Variants in DIAPH2 observed in about 807,000 individuals in gnomAD.
The protein encoded by DIAPH2 is protein diaphanous homolog 2.
A neutral mutation model predicts 92.7 loss-of-function variants in DIAPH2; 35 were observed. That is an observed-to-expected ratio of 0.38 (90% CI 0.29 to 0.50). The LOEUF (loss-of-function observed/expected upper bound fraction) is 0.50. DIAPH2 is among the 20% of genes least tolerant of loss of function. DIAPH2 has a pLI of 0.94. For missense variants in DIAPH2, 701 were observed against 819.5 expected (o/e 0.86, Z 1.77); for synonymous variants, 301 against 280.4 (o/e 1.07, Z -0.73).
chrX:96,756,953 T>G (rs1279997009), intron 3 of DIAPH2, among the ~76,000 whole-genome samples: 1 of 94,883 alleles, frequency 1.1e-5, no homozygotes, highest in Non-Finnish European at 2.1e-5. Flanking sequence ...AGTCTTGCTC[T>G]GTCACCCAGG....
At chrX:97,223,496 T>TTTATCTTAG (rs1161893085) in intron 22 of DIAPH2, among the ~76,000 whole-genome samples, 1 of 111,861 alleles carries the variant, frequency 8.9e-6, no homozygotes, top group Non-Finnish European at 1.9e-5. Context: ...ACATTTTTAA[T>TTTATCTTAG]TTATCTTAGT....
chrX:97,291,575 C>T (rs907452148), intron 23 of DIAPH2, among the ~76,000 whole-genome samples: 12 of 108,535 alleles, frequency 1.1e-4, no homozygotes, highest in Admixed American at 3.0e-4. Flanking sequence ...ACTCTGTTGC[C>T]AGGCTGGAGT....
chrX:97,268,268 G>A (rs2068354642), intron 23 of DIAPH2, among the ~76,000 whole-genome samples: 1 of 112,445 alleles, frequency 8.9e-6, no homozygotes, highest in African/African-American at 3.2e-5. Flanking sequence ...ACACATGCTT[G>A]AGTAATTTTA....
intron 26 of DIAPH2, among the ~76,000 whole-genome samples, chrX:97,520,187 C>T (rs1418312170): frequency 8.9e-6 from 1 of 112,270 alleles, no homozygotes; most frequent in Admixed American, 9.4e-5. Flanking sequence ...TTCATCTTTT[C>T]CAATTGAAAT....
At chrX:97,445,918 A>G (rs1182853032) in intron 26 of DIAPH2, among the ~76,000 whole-genome samples, 1 of 110,495 alleles carries the variant, frequency 9.1e-6, no homozygotes, top group Non-Finnish European at 1.9e-5. Flanking sequence ...GGGGGGGAAA[A>G]AAAACCAAGA....
intron 25 of DIAPH2, among the ~76,000 whole-genome samples, chrX:97,420,852 G>A (rs1205188863): frequency 8.9e-6 from 1 of 111,907 alleles, no homozygotes; most frequent in African/African-American, 3.2e-5. Flanking sequence ...AAGAGCATCT[G>A]CCTTCATTAT....
intron 22 of DIAPH2, among the ~76,000 whole-genome samples, chrX:97,222,172 A>AGATGATGATGATGAT (rs56742311): frequency 9.6e-6 from 1 of 104,051 alleles, no homozygotes; most frequent in African/African-American, 3.7e-5. Flanking sequence ...GGGAGGGTCT[A>AGATGATGATGATGAT]GATGATGATG....
chrX:96,965,139 A>G lies in DIAPH2; in HGVS notation c.1982A>G (p.Lys661Arg). The change falls in exon 17 of 27, where the codon AAA (lysine) becomes AGA (arginine). Residue 661 changes from lysine (K) to arginine (R), a missense_variant. This residue lies in a region of DIAPH2 where 536 missense variants were observed against 599.3 expected (regional missense o/e 0.89). Coordinates refer to ENST00000324765, the MANE Select transcript of DIAPH2 (RefSeq NM_006729.5). The part of the protein sequence containing the change: ...LSENCFWLRV[K>R]EDKFENPDLF... ...GAGAACTGTTTCTGGTTAAGAGTCAAAGAAGACAAGTTTGAGAATCCAGAT... is the reference window on the plus strand; with the variant it reads ...GAGAACTGTTTCTGGTTAAGAGTCAGAGAAGACAAGTTTGAGAATCCAGAT... The G allele has an allele frequency of 1.7e-6, 2 of 1,196,655 alleles. No individual in the cohort carries two copies. Among genetic ancestry groups the G allele is most frequent in the Non-Finnish European group, 2.3e-6 (2 of 887,709 alleles).
At position 97,329,935 on chromosome X, in the gene DIAPH2, CA is replaced by C. The variant is rs1369035011; in HGVS notation, c.2845-18180del. Among the ~76,000 whole-genome samples, 96 of 93,270 alleles carry C rather than the reference CA, an allele frequency of 1.0e-3. 1 individual carries two copies. Among genetic ancestry groups the C allele is most frequent in the African/African-American group, 3.6e-3 (93 of 26,063 alleles). 81.0% of individuals were successfully genotyped at this position (93,270 alleles called of 115,157 possible). ...ACACACACACACACACACACACACA[CA>C]CCCCACATGCTTTCTCTGGGCTCTA... is the stretch of plus-strand genomic sequence containing the variant. On this transcript the variant is annotated intron_variant, in intron 23 of 26. Coordinates refer to ENST00000324765, the MANE Select transcript of DIAPH2 (RefSeq NM_006729.5).
intron 22 of DIAPH2, among the ~76,000 whole-genome samples, chrX:97,174,781 C>T (rs747169210): frequency 9.0e-6 from 1 of 111,422 alleles, no homozygotes; most frequent in Non-Finnish European, 1.9e-5. Flanking sequence ...TTTGATTGAT[C>T]CTGCTTTCTA....
intron 7 of DIAPH2, 51 bp from the exon 8 acceptor site, chrX:96,916,387 A>T: frequency 9.5e-7 from 1 of 1,051,723 alleles, no homozygotes; most frequent in Non-Finnish European, 1.2e-6. Flanking sequence ...TTTAAATTAA[A>T]GATATATTCC....
intron 23 of DIAPH2, among the ~76,000 whole-genome samples, chrX:97,278,053 C>T (rs915569332): frequency 1.8e-5 from 2 of 111,785 alleles, no homozygotes; most frequent in Admixed American, 1.9e-4. Flanking sequence ...ACCATGTTGG[C>T]TAGGGTGGTC....
chrX:97,418,987 C>T (rs932887680), intron 25 of DIAPH2, among the ~76,000 whole-genome samples: 1 of 111,799 alleles, frequency 8.9e-6, no homozygotes, highest in African/African-American at 3.3e-5. Context: ...TTCCCTCCTT[C>T]CACCTGTGAT....
chrX:96,930,568 A>G (rs1390998032), intron 9 of DIAPH2, among the ~76,000 whole-genome samples, 165 bp from the exon 10 acceptor site: 1 of 111,820 alleles, frequency 8.9e-6, no homozygotes, highest in African/African-American at 3.2e-5. Context: ...TTTGTCGTTA[A>G]TTTTATTGTT....
intron 10 of DIAPH2, among the ~76,000 whole-genome samples, 170 bp downstream of exon 10, chrX:96,931,013 A>G (rs1027067258): frequency 5.3e-5 from 6 of 112,236 alleles, no homozygotes; most frequent in Non-Finnish European, 1.1e-4. Context: ...CTACATACAA[A>G]TGATGATTCA....
chrX:97,384,725 G>T (rs1457105055), intron 25 of DIAPH2, among the ~76,000 whole-genome samples: 1 of 110,091 alleles, frequency 9.1e-6, no homozygotes, highest in Non-Finnish European at 1.9e-5. Context: ...AATTAGCCAG[G>T]CATGGTGGCA....
At chrX:97,402,703 T>A (rs2069769671) in intron 25 of DIAPH2, among the ~76,000 whole-genome samples, 1 of 112,131 alleles carries the variant, frequency 8.9e-6, no homozygotes, top group Non-Finnish European at 1.9e-5. Context: ...GACCATTTTC[T>A]TACTAAATCA....
intron 22 of DIAPH2, among the ~76,000 whole-genome samples, chrX:97,218,686 G>T (rs1298270947): frequency 1.8e-5 from 2 of 110,917 alleles, no homozygotes. Flanking sequence ...ACCAAAATTT[G>T]CAGATGCTCA....
At chrX:96,884,482 ACTGTGTTTGACC>A in intron 5 of DIAPH2, 6 of 1,211,232 alleles carry the variant, frequency 5.0e-6, no homozygotes, top group Non-Finnish European at 6.7e-6. Context: ...TCTCAGCTCT[ACTGTGTTTGACC>A]CTGTGTTCAA....
Sources: allele counts gnomAD v4.1 joint callset (sites outside exome capture counted in the v4.1 genomes callset), GRCh38; gene constraint gnomAD v4.1.1; regional missense constraint gnomAD v4.1.1; transcripts MANE v1.5; gene names NCBI Gene and HGNC (gene_info 2026-07-23, HGNC 2026-07-21).